P2RX5: variants seen among roughly 807,000 people sequenced by gnomAD.
P2RX5 encodes purinergic receptor P2X 5.
Under a neutral mutation model 54.1 loss-of-function variants are expected in P2RX5, and 46 were observed. The observed-to-expected ratio is 0.85, with a 90% CI of 0.67 to 1.09. The LOEUF is 1.09. P2RX5 is among the 50% of genes least tolerant of loss of function. P2RX5 has a pLI of 0.00. For synonymous variants in P2RX5, 226 were observed against 226.4 expected (o/e 1.00, Z 0.02); for missense variants, 566 against 549.8 (o/e 1.03, Z -0.29).
chr17:3,689,567 G>A lies in P2RX5; in HGVS notation c.678C>T (p.Asn226=). 1 of 1,614,196 alleles carries A rather than the reference G, an allele frequency of 6.2e-7. No homozygotes were observed. The highest frequency in any genetic ancestry group is 8.5e-7 in the Non-Finnish European group (1 of 1,180,032). The change falls in exon 7 of 12, where the codon AAC becomes AAT. Residue 226 remains asparagine (N), a synonymous_variant. Coordinates refer to ENST00000225328, the MANE Select transcript of P2RX5 (RefSeq NM_002561.4). ...CCAGTCGGAAGATGGGGCAGTAGTG[G>A]TTCTTGGGGCCAAAGTGGCATGATT... The part of the protein sequence containing the change: ...FLKSCHFGPK[N]HYCPIFRLGS...
At chr17:3,697,426 G>C (rs1182790704), upstream of P2RX5, among the ~76,000 whole-genome samples, 1 of 152,102 alleles carries the variant, frequency 6.6e-6, no homozygotes, top group Admixed American at 6.5e-5. Flanking sequence ...AGCTGCGCAC[G>C]CTTATTTTCT....
At chr17:3,714,216 C>T in the P2RX5 span, among the ~76,000 whole-genome samples, 1 of 151,106 alleles carries the variant, frequency 6.6e-6, no homozygotes, top group African/African-American at 2.4e-5. Flanking sequence ...CGTGAGCCAC[C>T]GCACCCCGCC....
At chr17:3,685,559 G>A (rs1245214358) in intron 9 of P2RX5, 3 of 158,764 alleles carry the variant, frequency 1.9e-5, no homozygotes, top group Admixed American at 6.4e-5. Context: ...ATGATGGTGG[G>A]AATGATGCTG....
intron 10 of P2RX5, 34 bp downstream of exon 10, chr17:3,681,862 G>A (rs2142997464): frequency 1.4e-6 from 2 of 1,452,706 alleles, no homozygotes; most frequent in East Asian, 2.3e-5. Flanking sequence ...CCACAGGGCT[G>A]CCCTCGGGCC....
At chr17:3,717,017 G>A in the P2RX5 span, 1 of 464,088 alleles carries the variant, frequency 2.2e-6, no homozygotes, top group South Asian at 2.3e-5. Context: ...AAACTATTCT[G>A]GCCCCTTATC....
chr17:3,697,684 A>G (rs563791148), upstream of P2RX5, among the ~76,000 whole-genome samples: 3 of 152,298 alleles, frequency 2.0e-5, no homozygotes, highest in East Asian at 5.8e-4. Flanking sequence ...GAAATCTAAG[A>G]TGGGGCTGGG....
the P2RX5 span, among the ~76,000 whole-genome samples, chr17:3,719,234 T>TAAAAAAAAAAAAAAAAAAAAAAA: frequency 8.6e-5 from 3 of 34,798 alleles, no homozygotes; most frequent in African/African-American, 3.6e-4. Context: ...AGATTCTTCC[T>TAAAAAAAAAAAAAAAAAAAAAAA]CAAAAAAAAA....
the P2RX5 span, among the ~76,000 whole-genome samples, chr17:3,715,785 C>G: frequency 2.4e-4 from 37 of 152,118 alleles, 1 homozygote; most frequent in African/African-American, 8.0e-4. Flanking sequence ...TCACCTGAGC[C>G]TAGGAGTACG....
At chr17:3,677,761 A>G (rs2050137438) in intron 11 of P2RX5, 1 of 985,054 alleles carries the variant, frequency 1.0e-6, no homozygotes, top group Non-Finnish European at 1.2e-6. Context: ...TTTACAGCTC[A>G]TATGAATGAG....
chr17:3,709,004 T>C, the P2RX5 span, among the ~76,000 whole-genome samples: 2 of 152,186 alleles, frequency 1.3e-5, no homozygotes, highest in Non-Finnish European at 2.9e-5. Context: ...CAGGCTGTAG[T>C]GCAATGGCAC....
chr17:3,716,393 C>T, the P2RX5 span, among the ~76,000 whole-genome samples: 1 of 152,118 alleles, frequency 6.6e-6, no homozygotes, highest in Admixed American at 6.6e-5. Context: ...CCTTCCAGGC[C>T]CTATTGAACT....
At chr17:3,723,378 C>A in the P2RX5 span, 2 of 1,612,278 alleles carry the variant, frequency 1.2e-6, no homozygotes, top group South Asian at 1.1e-5. Flanking sequence ...GCCATTCTTC[C>A]ACATGCTGGA....
At position 3,691,018 on chromosome 17, in the gene P2RX5, C is replaced by T. The variant is rs374811457; in HGVS notation, c.298G>A (p.Val100Ile). The T allele has an allele frequency of 1.1e-5, 17 of 1,612,222 alleles. No homozygotes were observed. The highest frequency in any genetic ancestry group is 3.3e-5 in the Admixed American group (2 of 59,864). ...ATCAGGTTGGTGACCACAAAAAAGA[C>T]GTTCTCTCCCTAAGGAACCAGAGAG... is the stretch of plus-strand genomic sequence containing the variant. Reference protein sequence around the residue: ...DYVIPAQGENVFFVVTNLIVT... With the variant: ...DYVIPAQGENIFFVVTNLIVT... Residue 100 changes from valine (V) to isoleucine (I), a missense_variant, in exon 3 of 12, where the codon GTC (valine) becomes ATC (isoleucine). By Grantham distance (29) the Val-to-Ile change is conservative. Coordinates refer to ENST00000225328, the MANE Select transcript of P2RX5 (RefSeq NM_002561.4).
chr17:3,677,760 C>T, intron 11 of P2RX5: 1 of 985,356 alleles, frequency 1.0e-6, no homozygotes, highest in South Asian at 4.7e-5. Flanking sequence ...GTTTACAGCT[C>T]ATATGAATGA....
At chr17:3,697,136 G>C (rs1257408208), upstream of P2RX5, among the ~76,000 whole-genome samples, 1 of 151,412 alleles carries the variant, frequency 6.6e-6, no homozygotes, top group Non-Finnish European at 1.5e-5. Flanking sequence ...AGGGCGGATG[G>C]TGCGGGGGTG....
At chr17:3,720,145 A>T in the P2RX5 span, among the ~76,000 whole-genome samples, 1 of 152,206 alleles carries the variant, frequency 6.6e-6, no homozygotes, top group Non-Finnish European at 1.5e-5. Flanking sequence ...TTATTTCATA[A>T]GAAGCTGACT....
At chr17:3,709,831 C>G in the P2RX5 span, among the ~76,000 whole-genome samples, 4 of 152,278 alleles carry the variant, frequency 2.6e-5, no homozygotes, top group East Asian at 7.7e-4. Context: ...ATCGCTTGAA[C>G]CCAGGAGGCG....
the P2RX5 span, among the ~76,000 whole-genome samples, chr17:3,720,771 T>C: frequency 1.3e-5 from 2 of 151,968 alleles, no homozygotes; most frequent in African/African-American, 2.4e-5. Context: ...TTAGTAGAGA[T>C]GGGGTTTTGC....
intron 8 of P2RX5, 40 bp from the exon 9 acceptor site, chr17:3,688,145 G>A (rs986709326): frequency 8.8e-7 from 1 of 1,132,246 alleles, no homozygotes; most frequent in Non-Finnish European, 1.3e-6. Flanking sequence ...CAGCCTGCCT[G>A]GCCTTCCCTC....
Sources: allele counts gnomAD v4.1 joint callset (sites outside exome capture counted in the v4.1 genomes callset), GRCh38; gene constraint gnomAD v4.1.1; transcripts MANE v1.5; gene names NCBI Gene and HGNC (gene_info 2026-07-23, HGNC 2026-07-21).